Variants in TAPBPL observed in about 807,000 individuals in gnomAD.
TAPBPL encodes the protein tapasin-related protein.
A neutral mutation model predicts 44.8 loss-of-function variants in TAPBPL; 32 were observed. The ratio of observed to expected loss-of-function variants is 0.71; its 90% CI spans 0.54 to 0.96. The LOEUF is 0.96. Ranked by LOEUF, TAPBPL falls within the 40% of genes least tolerant of loss-of-function variation. The pLI is 0.00. For synonymous variants in TAPBPL, 230 were observed against 240.7 expected (o/e 0.96, Z 0.41); for missense variants, 520 against 586.6 (o/e 0.89, Z 1.17).
intron 5 of TAPBPL, among the ~76,000 whole-genome samples, chr12:6,460,048 A>G (rs1387521617): frequency 2.0e-5 from 3 of 151,680 alleles, no homozygotes; most frequent in Non-Finnish European, 1.5e-5. Context: ...GGGATTACAG[A>G]TATGAGCCAC....
rs911660001 is a variant in TAPBPL, at chr12:6,462,217, C to A, written c.*68C>A. The A allele has an allele frequency of 8.7e-6, 12 of 1,372,014 alleles. No homozygotes were observed. The highest frequency in any genetic ancestry group is 3.6e-4 in the Middle Eastern group (2 of 5,506). 85.0% of individuals were successfully genotyped at this position (1,372,014 alleles called of 1,614,324 possible). On this transcript the variant is annotated 3_prime_UTR_variant, in exon 7 of 7. Coordinates refer to ENST00000266556, the MANE Select transcript of TAPBPL (RefSeq NM_018009.5). ...CCCAAGCCCCCACAGCTACTCCAAC[C>A]CAAACAACAACCAAGCCAGTTTAAT...
rs747829683 is a variant in TAPBPL at position 6,457,712 on chromosome 12, G to A, written c.872G>A (p.Arg291Gln). 1.7e-5 allele frequency: 27 copies of A among 1,598,518 alleles called. No individual in the cohort carries two copies. Among genetic ancestry groups the A allele is most frequent in the Middle Eastern group, 3.3e-4 (2 of 6,004 alleles). ...TGCCAGATCACCACCTCTCTGTACC[G>A]AGCTCAGCAGATCATCCAGCTCAAC... ...YICQITTSLYRAQQIIQLNIQ... is the reference protein window; with the variant it reads ...YICQITTSLYQAQQIIQLNIQ... Residue 291 changes from arginine (R) to glutamine (Q), a missense_variant, in exon 4 of 7, where the codon CGA becomes CAA. Transcript: ENST00000266556.
chr12:6,463,203 G>A (rs1592144341), downstream of TAPBPL: 2 of 1,433,936 alleles, frequency 1.4e-6, no homozygotes, highest in South Asian at 1.5e-5. This position sits in a 1 kb window ranked among gnomAD's most constrained non-coding sequence, Gnocchi z 4.0. Flanking sequence ...AATTCAGACA[G>A]GAAAGGGTGG....
At chr12:6,470,712 C>A, downstream of TAPBPL, 1 of 708,088 alleles carries the variant, frequency 1.4e-6, no homozygotes, top group South Asian at 1.7e-5. Context: ...TTTATTAGTG[C>A]TGACCACGCC....
chr12:6,470,396 G>A (rs370323131), downstream of TAPBPL: 3 of 1,384,230 alleles, frequency 2.2e-6, no homozygotes, highest in Non-Finnish European at 3.0e-6. Flanking sequence ...GGCCCGGTCC[G>A]GAAGCGGCGC....
At chr12:6,469,199 A>G (rs1945707067), downstream of TAPBPL, among the ~76,000 whole-genome samples, 1 of 152,046 alleles carries the variant, frequency 6.6e-6, no homozygotes, top group Non-Finnish European at 1.5e-5. Flanking sequence ...GAGCCACAAG[A>G]CTCTTGTCCT....
intron 6 of TAPBPL, 54 bp from the exon 7 acceptor site, chr12:6,461,980 G>C: frequency 6.8e-7 from 1 of 1,474,632 alleles, no homozygotes; most frequent in Non-Finnish European, 9.4e-7. Context: ...ACCTGTGCTT[G>C]TTTGCCAGTG....
chr12:6,459,729 T>C (rs1468493426), intron 5 of TAPBPL, among the ~76,000 whole-genome samples: 1 of 44,702 alleles, frequency 2.2e-5, no homozygotes, highest in Non-Finnish European at 4.8e-5. Context: ...AAAGGTTTTA[T>C]TTATTTATTT....
At chr12:6,469,202 CTT>C (rs1945707249), downstream of TAPBPL, among the ~76,000 whole-genome samples, 1 of 152,194 alleles carries the variant, frequency 6.6e-6, no homozygotes, top group Non-Finnish European at 1.5e-5. Context: ...CCACAAGACT[CTT>C]GTCCTGCCAC....
Position 6,462,294 on chromosome 12 carries a change from T to C in TAPBPL, c.*145T>C. On this transcript the variant is annotated 3_prime_UTR_variant, in exon 7 of 7. Transcript: ENST00000266556. ...GTTCAGAATACATGACATTGGTAAA[T>C]ATGCCACATGCCTTTGGTGGAAGTA... The C allele has an allele frequency of 6.4e-6, 4 of 622,236 alleles. No homozygotes were observed. In the South Asian group the frequency reaches 8.1e-5, roughly 13 times the overall value. The allele number at this position is 622,236 out of a possible 1,614,324, so 38.5% of individuals were successfully genotyped here. A position where few individuals can be genotyped will look rare whatever the true frequency, so the allele number is the denominator to read the frequency against.
chr12:6,467,517 TGA>T (rs1378120908), downstream of TAPBPL, among the ~76,000 whole-genome samples: 1 of 152,106 alleles, frequency 6.6e-6, no homozygotes, highest in Non-Finnish European at 1.5e-5. Context: ...ACTTTGAACT[TGA>T]GAGAGATAAT....
At chr12:6,464,293 T>C (rs528990207), downstream of TAPBPL, 7 of 1,541,118 alleles carry the variant, frequency 4.5e-6, no homozygotes, top group African/African-American at 1.4e-5. Flanking sequence ...ACGAGCAGCA[T>C]TTCTAGTGTT....
chr12:6,457,799 GC>G, intron 4 of TAPBPL, 55 bp downstream of exon 4: 1 of 1,467,606 alleles, frequency 6.8e-7, no homozygotes, highest in Non-Finnish European at 9.1e-7. Context: ...TCTACTGGGA[GC>G]GTTTCCAGAT....
chr12:6,466,320 T>A (rs758185488), downstream of TAPBPL: 5 of 1,613,894 alleles, frequency 3.1e-6, no homozygotes, highest in African/African-American at 6.7e-5. Context: ...GTCCCTTCTG[T>A]CCCTTCAGCA....
chr12:6,458,622 C>A, intron 4 of TAPBPL, 23 bp from the exon 5 acceptor site: 1 of 1,610,828 alleles, frequency 6.2e-7, no homozygotes, highest in South Asian at 1.1e-5. Flanking sequence ...CATGTGTAAT[C>A]TTATTCCTCA....
chr12:6,465,579 G>C (rs1482147762), downstream of TAPBPL, among the ~76,000 whole-genome samples: 1 of 151,382 alleles, frequency 6.6e-6, no homozygotes, highest in Non-Finnish European at 1.5e-5. Context: ...CTCCTTTGGG[G>C]TAAAGCTCCT....
At chr12:6,462,503 C>T (rs115526614), downstream of TAPBPL, 2,121 of 497,712 alleles carry the variant, frequency 4.3e-3, 42 homozygotes, top group African/African-American at 0.037. Context: ...TGCTCATGCA[C>T]ATGGGTGGTG....
chr12:6,470,735 G>A (rs965524986), downstream of TAPBPL: 25 of 653,916 alleles, frequency 3.8e-5, no homozygotes, highest in African/African-American at 4.1e-4. Flanking sequence ...CCGGATAACG[G>A]TGACAACCCC....
chr12:6,452,453 C>T (rs1236153762), intron 1 of TAPBPL, 141 bp downstream of exon 1: 5 of 1,439,230 alleles, frequency 3.5e-6, no homozygotes, highest in Non-Finnish European at 4.6e-6. Context: ...AAAGGCTCAG[C>T]GGCTGGCAAA....
Sources: allele counts gnomAD v4.1 joint callset (sites outside exome capture counted in the v4.1 genomes callset), GRCh38; gene constraint gnomAD v4.1.1; non-coding constraint Gnocchi (gnomAD v3.1); transcripts MANE v1.5; gene names NCBI Gene and HGNC (gene_info 2026-07-23, HGNC 2026-07-21).